The following BIRC6 variants were observed in gnomAD, a reference collection of about 807,000 sequenced individuals.
The protein encoded by BIRC6 is baculoviral IAP repeat containing 6.
BIRC6 carries 98 observed loss-of-function variants against 503.3 expected under a neutral mutation model. The ratio of observed to expected loss-of-function variants is 0.19; its 90% CI spans 0.17 to 0.23. The LOEUF is 0.23. Ranked by LOEUF, BIRC6 falls within the 10% of genes least tolerant of loss-of-function variation. The pLI, the probability that BIRC6 is intolerant of heterozygous loss-of-function variation, is 1.00. For synonymous variants in BIRC6, 2,240 were observed against 2,078.7 expected (o/e 1.08, Z -2.11); for missense variants, 5,360 against 5,806.0 (o/e 0.92, Z 2.50).
In BIRC6 at chr2:32,594,045, C is replaced by T; in HGVS notation, c.13486C>T (p.Arg4496Trp). Residue 4496 changes from arginine to tryptophan, a missense_variant, in exon 67 of 74, where the codon CGG becomes TGG. By Grantham distance (101) the Arg-to-Trp change is moderately radical. Around this residue, in one of 16 missense-constraint regions of BIRC6, gnomAD observed 477 missense variants for 574.4 expected, o/e 0.83. Coordinates refer to ENST00000421745, the MANE Select transcript of BIRC6 (RefSeq NM_016252.4). Reference protein sequence around the residue: ...EIVYAATTSLRQANQEKKLGE... With the variant: ...EIVYAATTSLWQANQEKKLGE... ...AGTTTATGCAGCCACCACCAGTTTG[C>T]GGCAAGCAAATCAGGGTACAAAACT... 1 of 1,609,816 alleles carries T rather than the reference C, an allele frequency of 6.2e-7. No homozygotes were observed. The highest frequency in any genetic ancestry group is 8.5e-7 in the Non-Finnish European group (1 of 1,178,152).
intron 65 of BIRC6, chr2:32,557,787 T>G (rs2058885549): frequency 6.6e-6 from 1 of 152,208 alleles, no homozygotes; most frequent in Non-Finnish European, 1.5e-5. Flanking sequence ...TCAAGATAGA[T>G]TCTTCTTTTT....
intron 66 of BIRC6, among the ~76,000 whole-genome samples, chr2:32,587,542 G>T (rs1573214459): frequency 6.6e-6 from 1 of 152,092 alleles, no homozygotes; most frequent in East Asian, 1.9e-4. Context: ...TGGGCAACAA[G>T]GCAAAACCCT....
At chr2:32,611,695 G>T in intron 73 of BIRC6, 113 bp downstream of exon 73, 5 of 1,079,878 alleles carry the variant, frequency 4.6e-6, no homozygotes, top group Non-Finnish European at 6.1e-6. Flanking sequence ...AACATAATAT[G>T]TATTTTCAGT....
Position 32,548,018 on chromosome 2 carries a change from T to A in BIRC6, c.12975+4T>A. On this transcript the variant is annotated splice_donor_region_variant and intron_variant, in intron 64 of 73. Coordinates refer to ENST00000421745, the MANE Select transcript of BIRC6 (RefSeq NM_016252.4). The stretch of plus-strand genomic sequence containing the variant: ...ACATGTTACCTGCCTTCTGCAGGTA[T>A]ATTTGTAAACTTGATATTGTTCATG... The A allele has an allele frequency of 6.3e-7, 1 of 1,587,932 alleles. No individual in the cohort carries two copies. The highest frequency in any genetic ancestry group is 8.5e-7 in the Non-Finnish European group (1 of 1,172,030).
Position 32,505,060 on chromosome 2 carries a change from C to T in BIRC6, c.9555C>T (p.Ala3185=), listed in dbSNP as rs767326014. Reference sequence around the variant, plus strand: ...AACCAGCTGAAGTGCTATTGCAGGCCACACCTCCTCACAGAAGAGCTCGCT... The same window carrying T: ...AACCAGCTGAAGTGCTATTGCAGGCTACACCTCCTCACAGAAGAGCTCGCT... ...TAQPAEVLLQ[A]TPPHRRARSA... is the part of the protein sequence containing the mutation. The change falls in exon 50 of 74, where the codon GCC becomes GCT. Residue 3185 remains alanine (A), a synonymous_variant. Coordinates refer to ENST00000421745, the MANE Select transcript of BIRC6 (RefSeq NM_016252.4). The T allele has an allele frequency of 3.1e-6, 5 of 1,613,716 alleles. No individual in the cohort carries two copies. In the East Asian group the frequency reaches 1.1e-4, roughly 36 times the overall value.
At chr2:32,358,548 T>A (rs992522217) in intron 1 of BIRC6, among the ~76,000 whole-genome samples, 2 of 152,216 alleles carry the variant, frequency 1.3e-5, no homozygotes, top group Non-Finnish European at 2.9e-5. Context: ...GACTCCTGCA[T>A]AGAGATGTAA....
intron 61 of BIRC6, among the ~76,000 whole-genome samples, chr2:32,534,374 CAAAAA>C (rs200134446): frequency 1.1e-5 from 1 of 92,596 alleles, no homozygotes. Flanking sequence ...AATTCCATCT[CAAAAA>C]AAAAAAAAAA....
intron 23 of BIRC6, among the ~76,000 whole-genome samples, chr2:32,461,147 C>CCTCCCCT (rs1558790532): frequency 1.4e-4 from 1 of 7,196 alleles, no homozygotes; most frequent in African/African-American, 6.1e-4. Flanking sequence ...CCTCCCCTCC[C>CCTCCCCT]CTCCCCTCCC....
In BIRC6 at chr2:32,531,359, T is replaced by G; in HGVS notation, c.12099T>G (p.His4033Gln). Reference protein sequence around the residue: ...SYKRLHPEKDHGDLLASCPED... With the variant: ...SYKRLHPEKDQGDLLASCPED... ...TATTTGTAATTTATTGTCTAGATCATGGAGACTTACTTGCTAGCTGTCCAG... is the reference window on the plus strand; with the variant it reads ...TATTTGTAATTTATTGTCTAGATCAGGGAGACTTACTTGCTAGCTGTCCAG... The change falls in exon 61 of 74, where the codon CAT becomes CAG. Residue 4033 changes from histidine to glutamine, a missense_variant. Transcript: ENST00000421745. 1 of 1,610,558 alleles carries G rather than the reference T, an allele frequency of 6.2e-7. No homozygotes were observed. The highest frequency in any genetic ancestry group is 8.5e-7 in the Non-Finnish European group (1 of 1,177,836).
chr2:32,449,119 G>T, intron 22 of BIRC6, 191 bp downstream of exon 22: 1 of 499,986 alleles, frequency 2.0e-6, no homozygotes, highest in South Asian at 4.2e-5. Context: ...GAAAATCCCA[G>T]TATATTAAAG....
At chr2:32,399,438 A>G (rs911823227) in intron 6 of BIRC6, among the ~76,000 whole-genome samples, 6 of 152,108 alleles carry the variant, frequency 3.9e-5, no homozygotes, top group African/African-American at 7.2e-5. Flanking sequence ...CTGAAGTGCA[A>G]TGGCTATACA....
chr2:32,603,099 C>A lies in BIRC6; in HGVS notation c.14070+16C>A, dbSNP rs1333331685. Reference sequence around the variant, plus strand: ...CTTTTTGCAAGTAAACAAAATTTCTCTGACATTTTCACTTAAGAAATAAAG... The same window carrying A: ...CTTTTTGCAAGTAAACAAAATTTCTATGACATTTTCACTTAAGAAATAAAG... On this transcript the variant is annotated intron_variant, in intron 71 of 73. Transcript: ENST00000421745. 3 of 1,594,690 alleles carry A rather than the reference C, an allele frequency of 1.9e-6. No homozygotes were observed. The highest frequency in any genetic ancestry group is 2.6e-6 in the Non-Finnish European group (3 of 1,169,972).
At chr2:32,389,005 A>G (rs1323447106) in intron 4 of BIRC6, 62 bp downstream of exon 4, 1 of 1,062,230 alleles carries the variant, frequency 9.4e-7, no homozygotes, top group Non-Finnish European at 1.2e-6. Context: ...GCATTAAACA[A>G]GGAATAACTA....
intron 65 of BIRC6, chr2:32,564,318 G>A (rs1456526781): frequency 6.6e-6 from 1 of 152,106 alleles, no homozygotes; most frequent in African/African-American, 2.4e-5. Context: ...TAACTTCTTC[G>A]GGCTGAACAA....
intron 65 of BIRC6, among the ~76,000 whole-genome samples, chr2:32,556,618 A>G (rs1008712272): frequency 2.0e-5 from 3 of 152,036 alleles, no homozygotes; most frequent in Admixed American, 2.0e-4. Flanking sequence ...TGTTTTGCAA[A>G]CTAGATGTTT....
chr2:32,513,734 C>T (rs1415849334), intron 54 of BIRC6, among the ~76,000 whole-genome samples: 1 of 152,170 alleles, frequency 6.6e-6, no homozygotes, highest in Non-Finnish European at 1.5e-5. Flanking sequence ...CATGGTGAAA[C>T]CCCGTCTCTA....
At chr2:32,555,719 C>T (rs1274404762) in intron 65 of BIRC6, among the ~76,000 whole-genome samples, 1 of 151,576 alleles carries the variant, frequency 6.6e-6, no homozygotes, top group Non-Finnish European at 1.5e-5. Flanking sequence ...ATCTGCAATC[C>T]CAGCACTTTG....
chr2:32,594,176 T>G, intron 67 of BIRC6, 116 bp downstream of exon 67: 1 of 1,204,618 alleles, frequency 8.3e-7, no homozygotes, highest in Non-Finnish European at 1.1e-6. Flanking sequence ...GCAAGTTCAT[T>G]TACCTAAAAA....
At chr2:32,477,775 A>G (rs2049935242) in intron 35 of BIRC6, among the ~76,000 whole-genome samples, 192 bp downstream of exon 35, 1 of 151,838 alleles carries the variant, frequency 6.6e-6, no homozygotes, top group Non-Finnish European at 1.5e-5. Flanking sequence ...GTTAATTAAA[A>G]ACTAGCAAAG....
Sources: gnomAD v4.1 joint callset for allele counts (sites outside exome capture counted in the v4.1 genomes callset) on GRCh38, gnomAD v4.1.1 for gene constraint, gnomAD v4.1.1 regional missense constraint, MANE v1.5 for transcripts, NCBI Gene and HGNC (gene_info 2026-07-23, HGNC 2026-07-21) for gene names.